Variants in ATAD2B observed in about 807,000 individuals in gnomAD.
ATAD2B encodes ATPase family AAA domain containing 2B, also known as ATPase family AAA domain-containing protein 2B.
A neutral mutation model predicts 167.6 loss-of-function variants in ATAD2B; 40 were observed. The observed-to-expected ratio is 0.24, with a 90% CI of 0.19 to 0.31. ATAD2B has a LOEUF of 0.31. Among genes scored for constraint, ATAD2B ranks in the 10% least tolerant of loss-of-function variants. The pLI is 1.00. For synonymous variants in ATAD2B, 579 were observed against 596.5 expected (o/e 0.97, Z 0.43); for missense variants, 1,242 against 1,757.2 (o/e 0.71, Z 5.24).
At chr2:23,761,545 A>C (rs1676739735) in intron 24 of ATAD2B, among the ~76,000 whole-genome samples, 1 of 152,246 alleles carries the variant, frequency 6.6e-6, no homozygotes, top group South Asian at 2.1e-4. Context: ...AGGGATACTT[A>C]ACCTGGATTA....
At chr2:23,781,964 C>A (rs1680138624) in intron 22 of ATAD2B, among the ~76,000 whole-genome samples, 1 of 152,172 alleles carries the variant, frequency 6.6e-6, no homozygotes, top group Admixed American at 6.5e-5. Context: ...AAGTGCGCAA[C>A]CACCACACAC....
chr2:23,920,586 G>A (rs973582976), intron 1 of ATAD2B, among the ~76,000 whole-genome samples: 5 of 152,056 alleles, frequency 3.3e-5, no homozygotes, highest in African/African-American at 1.2e-4. Flanking sequence ...GCATTTAGGG[G>A]GAAAGTAAAA....
chr2:23,812,127 A>T (rs1012683584), intron 17 of ATAD2B, among the ~76,000 whole-genome samples: 6 of 152,084 alleles, frequency 3.9e-5, no homozygotes, highest in African/African-American at 1.2e-4. Flanking sequence ...ATAGAAAGCA[A>T]AAAGGGAAAA....
chr2:23,919,968 T>C (rs1027539403), intron 1 of ATAD2B, among the ~76,000 whole-genome samples: 4 of 151,736 alleles, frequency 2.6e-5, no homozygotes, highest in Non-Finnish European at 5.9e-5. Context: ...CTGGCTAACA[T>C]GGCAAAACCT....
At chr2:23,770,496 T>C (rs2712076) in intron 22 of ATAD2B, among the ~76,000 whole-genome samples, 24,166 of 152,186 alleles carry the variant, frequency 0.16, 2,024 homozygotes, top group Middle Eastern at 0.26. Flanking sequence ...AGGTTTTAAG[T>C]TCTTGTATAC....
chr2:23,755,989 C>T (rs1440795120), intron 25 of ATAD2B, among the ~76,000 whole-genome samples: 1 of 152,082 alleles, frequency 6.6e-6, no homozygotes, highest in Non-Finnish European at 1.5e-5. Context: ...AACTTTTACA[C>T]AACAATTATC....
At chr2:23,688,831 G>A in the ATAD2B span, 1 of 152,332 alleles carries the variant, frequency 6.6e-6, no homozygotes, top group Non-Finnish European at 1.5e-5. Context: ...GGGCCCGGTA[G>A]GACAGGACAA....
chr2:23,809,485 C>T (rs552139076), intron 18 of ATAD2B, among the ~76,000 whole-genome samples: 1 of 152,060 alleles, frequency 6.6e-6, no homozygotes, highest in African/African-American at 2.4e-5. Context: ...GTTAAGTATT[C>T]GGAAAATGTA....
chr2:23,830,344 C>T (rs1572943946), intron 14 of ATAD2B, among the ~76,000 whole-genome samples: 1 of 152,170 alleles, frequency 6.6e-6, no homozygotes. Context: ...TGATACTATC[C>T]ACCACCAACG....
rs756351978 is a variant in ATAD2B, at chr2:23,786,110, G to A, written c.2890C>T (p.Arg964Trp). The change falls in exon 21 of 28, where the codon CGG becomes TGG. Residue 964 changes from arginine (R) to tryptophan (W), a missense_variant. Arg to Trp is a moderately radical substitution (Grantham distance 101). Transcript: ENST00000238789. ...TTGGTTACATCCCTGAGAAACAACCGCAACTCTCTTAAAGTATTTTCCTCC... is the reference window on the plus strand; with the variant it reads ...TTGGTTACATCCCTGAGAAACAACCACAACTCTCTTAAAGTATTTTCCTCC... ...DQEENTLREL[R>W]LFLRDVTKRL... 5 of 1,610,686 alleles carry A rather than the reference G, an allele frequency of 3.1e-6. No individual in the cohort carries two copies. The highest frequency in any genetic ancestry group is 2.2e-5 in the East Asian group (1 of 44,794).
the ATAD2B span, chr2:23,689,970 C>A: frequency 1.3e-5 from 2 of 152,338 alleles, no homozygotes; most frequent in African/African-American, 4.8e-5. Context: ...CACCTTGCCC[C>A]CTCTGCCTTC....
the ATAD2B span, chr2:23,703,622 T>C: frequency 7.2e-7 from 1 of 1,392,488 alleles, no homozygotes; most frequent in Non-Finnish European, 9.5e-7. Flanking sequence ...GTTGGAAGTC[T>C]TTCGAGCTTC....
At chr2:23,884,703 A>G (rs1698432113) in intron 6 of ATAD2B, 62 bp downstream of exon 6, 8 of 873,582 alleles carry the variant, frequency 9.2e-6, no homozygotes, top group South Asian at 7.9e-5. Context: ...TATTACTTGT[A>G]TATTTTATTT....
At chr2:23,703,895 G>C in the ATAD2B span, 28 of 1,523,244 alleles carry the variant, frequency 1.8e-5, no homozygotes, top group Non-Finnish European at 2.4e-5. Context: ...ACTAGGGCTG[G>C]GACGGAGGAG....
intron 22 of ATAD2B, among the ~76,000 whole-genome samples, chr2:23,781,258 C>A (rs1011712787): frequency 4.0e-5 from 6 of 150,778 alleles, no homozygotes; most frequent in African/African-American, 1.5e-4. Flanking sequence ...CATGATGGGT[C>A]AAGAGAAAAA....
chr2:23,709,733 C>G, the ATAD2B span, among the ~76,000 whole-genome samples: 15,459 of 152,108 alleles, frequency 0.1, 876 homozygotes, highest in Middle Eastern at 0.17. Flanking sequence ...GTGGACCATA[C>G]TCTTGTCAAA....
the ATAD2B span, among the ~76,000 whole-genome samples, chr2:23,715,708 GTTTCTGTGGTTAAATACT>G: frequency 1.3e-5 from 2 of 151,148 alleles, no homozygotes; most frequent in Non-Finnish European, 2.9e-5. Flanking sequence ...TTGCTTTACT[GTTTCTGTGGTTAAATACT>G]GAAGCTCAAA....
At chr2:23,698,095 G>A in the ATAD2B span, among the ~76,000 whole-genome samples, 1 of 152,222 alleles carries the variant, frequency 6.6e-6, no homozygotes, top group Non-Finnish European at 1.5e-5. Context: ...CAGGGTCCTG[G>A]AGCAGTTCTC....
the ATAD2B span, among the ~76,000 whole-genome samples, chr2:23,728,102 AT>A: frequency 6.6e-6 from 1 of 152,190 alleles, no homozygotes; most frequent in South Asian, 2.1e-4. Context: ...ATTGTAACAA[AT>A]GCATCACACT....
Sources: gnomAD v4.1 joint callset for allele counts (sites outside exome capture counted in the v4.1 genomes callset) on GRCh38, gnomAD v4.1.1 for gene constraint, MANE v1.5 for transcripts, NCBI Gene and HGNC (gene_info 2026-07-23, HGNC 2026-07-21) for gene names.